The following UTRN variants were observed in gnomAD, a reference collection of about 807,000 sequenced individuals.
UTRN encodes dystrophin-related protein 1.
Under a neutral mutation model 463.9 loss-of-function variants are expected in UTRN, and 283 were observed. The observed-to-expected ratio is 0.61, with a 90% CI of 0.55 to 0.67. UTRN has a LOEUF of 0.67. Among genes scored for constraint, UTRN ranks in the 30% least tolerant of loss-of-function variants. UTRN has a pLI of 0.00. For synonymous variants in UTRN, 1,442 were observed against 1,431.5 expected, an observed-to-expected ratio of 1.01 and a Z score of -0.17; for missense variants, 3,922 against 4,084.3, an observed-to-expected ratio of 0.96 and a Z score of 1.08.
chr6:144,757,451 C>T (rs1000357694), intron 57 of UTRN, among the ~76,000 whole-genome samples: 2 of 152,040 alleles, frequency 1.3e-5, no homozygotes, highest in Admixed American at 6.6e-5. Context: ...ATTGAATTTA[C>T]TTAAATGCCA....
chr6:144,351,368 C>T (rs945379866), intron 2 of UTRN, among the ~76,000 whole-genome samples: 3 of 152,164 alleles, frequency 2.0e-5, no homozygotes, highest in Non-Finnish European at 4.4e-5. Flanking sequence ...AGTGTGTCCT[C>T]GTCCTTCAAT....
chr6:144,775,552 G>T (rs531773682), intron 60 of UTRN, among the ~76,000 whole-genome samples: 2 of 152,276 alleles, frequency 1.3e-5, no homozygotes, highest in South Asian at 4.1e-4. Flanking sequence ...TATGTTGAGC[G>T]AAAAGAGAAT....
rs1584795615 is a variant in UTRN at position 144,440,598 on chromosome 6, T to A, written c.1512+127T>A. 3.2e-6 allele frequency: 4 copies of A among 1,268,734 alleles called. No homozygotes were observed. In the East Asian group the frequency reaches 9.5e-5, roughly 30 times the overall value. 78.6% of individuals were successfully genotyped at this position (1,268,734 alleles called of 1,614,324 possible). On this transcript the variant is annotated intron_variant, in intron 13 of 74. Coordinates refer to ENST00000367545, the MANE Select transcript of UTRN (RefSeq NM_007124.3). The stretch of plus-strand genomic sequence containing the variant: ...AAGGGTAGAAAAACCTACCTTTGAT[T>A]GTACTTCTCAGTTGGGGTTCTACAG...
chr6:144,603,902 G>T (rs756759931), intron 51 of UTRN, among the ~76,000 whole-genome samples: 1 of 152,066 alleles, frequency 6.6e-6, no homozygotes, highest in Non-Finnish European at 1.5e-5. Flanking sequence ...CACAGCAGTG[G>T]TATATCAATA....
At chr6:144,567,829 C>G (rs546752293) in intron 50 of UTRN, among the ~76,000 whole-genome samples, 7 of 152,128 alleles carry the variant, frequency 4.6e-5, no homozygotes, top group Non-Finnish European at 8.8e-5. Context: ...CTGAGATGCT[C>G]TTTTCATTAA....
intron 65 of UTRN, among the ~76,000 whole-genome samples, chr6:144,818,892 G>T (rs4243476): frequency 0.52 from 76,630 of 146,556 alleles, 22,299 homozygotes; most frequent in East Asian, 0.9. Flanking sequence ...ACAATCTGTT[G>T]TTTTTTTTTT....
Position 144,436,081 on chromosome 6 carries a change from G to T in UTRN, c.1002G>T (p.Glu334Asp). 6.2e-7 allele frequency: 1 copy of T among 1,614,204 alleles called. No individual in the cohort carries two copies. Among genetic ancestry groups the T allele is most frequent in the Non-Finnish European group, 8.5e-7 (1 of 1,180,052 alleles). The change falls in exon 10 of 75, where the codon GAG (glutamate) becomes GAT (aspartate). Residue 334 changes from glutamate (E) to aspartate (D), a missense_variant. Physicochemically the swap from Glu to Asp is conservative, Grantham distance 45. Around this residue, in one of 3 missense-constraint regions of UTRN, gnomAD observed 2,349 missense variants for 2,303.8 expected, o/e 1.02. Coordinates refer to ENST00000367545, the MANE Select transcript of UTRN (RefSeq NM_007124.3). ...TTTCTGCTGAGGACACTTTCCAGGA[G>T]CAGGATGATATTTCTGATGATGTTG... is the stretch of plus-strand genomic sequence containing the variant. ...WLLSAEDTFQ[E>D]QDDISDDVEE...
rs138478026 is a variant in UTRN at position 144,711,311 on chromosome 6, G to A, written c.7809+11068G>A. Among the ~76,000 whole-genome samples the A allele has an allele frequency of 2.0e-3, 304 of 151,086 alleles. 4 individuals carry two copies. Among genetic ancestry groups the A allele is most frequent in the African/African-American group, 7.0e-3 (289 of 41,138 alleles). On this transcript the variant is annotated intron_variant, in intron 53 of 74. Coordinates refer to ENST00000367545, the MANE Select transcript of UTRN (RefSeq NM_007124.3). ...AGCCTGGCAACAGATTGAGACTCCCGTCTCAAAACAAACAAACAAACAAAA... is the reference window on the plus strand; with the variant it reads ...AGCCTGGCAACAGATTGAGACTCCCATCTCAAAACAAACAAACAAACAAAA...
In UTRN at chr6:144,668,771, C is replaced by T. The variant is rs935755310; in HGVS notation, c.7480-9635C>T. Among the ~76,000 whole-genome samples the T allele has an allele frequency of 4.6e-5, 7 of 152,202 alleles. No homozygotes were observed. The South Asian group carries it at 1.5e-3, about 32-fold the overall frequency. On this transcript the variant is annotated intron_variant, in intron 51 of 74. Transcript: ENST00000367545. Reference sequence around the variant, plus strand: ...TCCCAAAGGCCCCACCTCCTAATACCATTATTGTCAGGGTTAGGGGTTCAA... The same window carrying T: ...TCCCAAAGGCCCCACCTCCTAATACTATTATTGTCAGGGTTAGGGGTTCAA...
chr6:144,359,362 C>T (rs1735465763), intron 2 of UTRN, among the ~76,000 whole-genome samples: 1 of 152,198 alleles, frequency 6.6e-6, no homozygotes. Flanking sequence ...GTAGAACAGC[C>T]TGGCACTGAT....
intron 2 of UTRN, among the ~76,000 whole-genome samples, chr6:144,307,979 C>G (rs1324355815): frequency 6.6e-6 from 1 of 152,144 alleles, no homozygotes; most frequent in Non-Finnish European, 1.5e-5. Context: ...TCCCAGCCCT[C>G]TCCTACTACA....
At chr6:144,757,894 C>T (rs760058110) in intron 57 of UTRN, 35 bp from the exon 58 acceptor site, 117 of 1,589,716 alleles carry the variant, frequency 7.4e-5, no homozygotes, top group Non-Finnish European at 9.8e-5. Context: ...TTTTTGGTTT[C>T]CAACGTTTCC....
At chr6:144,443,871 A>C (rs1298065067) in intron 13 of UTRN, among the ~76,000 whole-genome samples, 1 of 152,158 alleles carries the variant, frequency 6.6e-6, no homozygotes, top group Admixed American at 6.5e-5. Flanking sequence ...AAAGAGAGTT[A>C]AGGAATATAA....
At chr6:144,461,162 T>G (rs1392356816) in intron 21 of UTRN, 35 bp from the exon 22 acceptor site, 2 of 1,531,766 alleles carry the variant, frequency 1.3e-6, no homozygotes, top group Non-Finnish European at 1.8e-6. Context: ...GTTCCTAATA[T>G]GATTTTTTCA....
intron 51 of UTRN, among the ~76,000 whole-genome samples, chr6:144,614,020 G>A (rs1805803071): frequency 6.6e-6 from 1 of 152,014 alleles, no homozygotes. Context: ...GGGAAAGAAT[G>A]ATTCTCTCAT....
chr6:144,559,661 C>T (rs1400516084), intron 50 of UTRN, among the ~76,000 whole-genome samples: 1 of 152,090 alleles, frequency 6.6e-6, no homozygotes, highest in Non-Finnish European at 1.5e-5. Context: ...TGTTTCTCAA[C>T]CTTTCTTTAC....
Position 144,516,661 on chromosome 6 carries a change from A to T in UTRN, c.5404-150A>T, listed in dbSNP as rs553739702. 1,209 of 558,830 alleles carry T rather than the reference A, an allele frequency of 2.2e-3. 13 individuals carry two copies. The African/African-American group carries it at 0.022, about 10-fold the overall frequency. 34.6% of individuals were successfully genotyped at this position (558,830 alleles called of 1,614,324 possible). A position where few individuals can be genotyped will look rare whatever the true frequency, so the allele number is the denominator to read the frequency against. On this transcript the variant is annotated intron_variant, in intron 38 of 74. Coordinates refer to ENST00000367545, the MANE Select transcript of UTRN (RefSeq NM_007124.3). ...TTATCTTCAAATATAAAATATATTTAAAAAAAACATAAATTTTTTGATCGT... is the reference window on the plus strand; with the variant it reads ...TTATCTTCAAATATAAAATATATTTTAAAAAAACATAAATTTTTTGATCGT...
intron 61 of UTRN, 47 bp from the exon 62 acceptor site, chr6:144,789,147 A>G (rs370621307): frequency 2.1e-6 from 3 of 1,431,916 alleles, no homozygotes; most frequent in Non-Finnish European, 2.9e-6. Flanking sequence ...AACATGCTGT[A>G]TATGGTTTTA....
chr6:144,620,581 T>C (rs1262301323), intron 51 of UTRN, among the ~76,000 whole-genome samples: 1 of 152,076 alleles, frequency 6.6e-6, no homozygotes, highest in East Asian at 1.9e-4. Flanking sequence ...TAATACTGGT[T>C]TTCTTACTAC....
Sources: allele counts gnomAD v4.1 joint callset (sites outside exome capture counted in the v4.1 genomes callset), GRCh38; gene constraint gnomAD v4.1.1; regional missense constraint gnomAD v4.1.1; transcripts MANE v1.5; gene names NCBI Gene and HGNC (gene_info 2026-07-23, HGNC 2026-07-21).